Variants in POU6F2 observed in about 807,000 individuals in gnomAD.
The protein encoded by POU6F2 is POU class 6 homeobox 2.
A neutral mutation model predicts 71.3 loss-of-function variants in POU6F2; 31 were observed. That is an observed-to-expected ratio of 0.43 (90% CI 0.33 to 0.59). The LOEUF (loss-of-function observed/expected upper bound fraction) is 0.59. Among genes scored for constraint, POU6F2 ranks in the 20% least tolerant of loss-of-function variants. The pLI is 0.04. For synonymous variants in POU6F2, 347 were observed against 355.7 expected, an observed-to-expected ratio of 0.98 and a Z score of 0.27; for missense variants, 783 against 856.8, an observed-to-expected ratio of 0.91 and a Z score of 1.07.
chr7:38,989,101 C>G (rs1204188048), intron 1 of POU6F2, among the ~76,000 whole-genome samples: 1 of 152,018 alleles, frequency 6.6e-6, no homozygotes, highest in Non-Finnish European at 1.5e-5. Flanking sequence ...TCTTTGATAG[C>G]TTTCGTCAAA....
chr7:39,393,366 T>C (rs891626652), intron 5 of POU6F2, among the ~76,000 whole-genome samples: 1 of 152,148 alleles, frequency 6.6e-6, no homozygotes, highest in Non-Finnish European at 1.5e-5. Context: ...CTGGCACGGG[T>C]GTGGCAGATA....
intron 4 of POU6F2, among the ~76,000 whole-genome samples, chr7:39,242,552 G>C (rs116002108): frequency 6.6e-6 from 1 of 151,738 alleles, no homozygotes; most frequent in Non-Finnish European, 1.5e-5. Flanking sequence ...TTTTGGGGGG[G>C]GTCATGATAT....
At chr7:39,356,574 A>G (rs1246458443) in intron 5 of POU6F2, among the ~76,000 whole-genome samples, 1 of 152,192 alleles carries the variant, frequency 6.6e-6, no homozygotes, top group Non-Finnish European at 1.5e-5. Context: ...AACAGACACA[A>G]TGTCTCACAC....
chr7:39,402,103 T>C (rs780102050), intron 5 of POU6F2, among the ~76,000 whole-genome samples: 5 of 152,236 alleles, frequency 3.3e-5, no homozygotes, highest in Non-Finnish European at 7.3e-5. Context: ...ACTGAATTCT[T>C]TTCAGGATAC....
intron 1 of POU6F2, among the ~76,000 whole-genome samples, chr7:38,999,244 C>T (rs1297193666): frequency 1.3e-5 from 2 of 152,010 alleles, no homozygotes; most frequent in African/African-American, 4.8e-5. Flanking sequence ...TGTAAGGTCC[C>T]ACTGGATACT....
chr7:38,979,105 T>C (rs1788250597), intron 1 of POU6F2, among the ~76,000 whole-genome samples: 1 of 152,192 alleles, frequency 6.6e-6, no homozygotes. Context: ...TTTTTTGTAA[T>C]GTATTTTTGA....
At chr7:39,328,539 A>G (rs1330177360) in intron 4 of POU6F2, among the ~76,000 whole-genome samples, 2 of 152,230 alleles carry the variant, frequency 1.3e-5, no homozygotes, top group Non-Finnish European at 2.9e-5. Context: ...ACTCAATTTA[A>G]TTAGTGTCCT....
At chr7:39,251,418 T>C (rs1783912632) in intron 4 of POU6F2, among the ~76,000 whole-genome samples, 2 of 152,186 alleles carry the variant, frequency 1.3e-5, no homozygotes, top group African/African-American at 4.8e-5. Flanking sequence ...CTTGTGAGCC[T>C]AAGCTTGGAG....
chr7:39,359,160 T>A (rs1289868010), intron 5 of POU6F2, among the ~76,000 whole-genome samples: 1 of 152,128 alleles, frequency 6.6e-6, no homozygotes, highest in Non-Finnish European at 1.5e-5. Flanking sequence ...ATTTTTTTTC[T>A]GGGTTTAGTA....
In POU6F2 at chr7:39,052,905, C is replaced by A. The variant is rs73371345; in HGVS notation, c.106-32955C>A. On this transcript the variant is annotated intron_variant, in intron 1 of 9. Transcript: ENST00000518318. Reference sequence around the variant, plus strand: ...GCTCTTTCAAATCATGATTCTACTTCTAAGGTTTTCTGTTCTTTCTATTGG... The same window carrying A: ...GCTCTTTCAAATCATGATTCTACTTATAAGGTTTTCTGTTCTTTCTATTGG... Among the ~76,000 whole-genome samples the A allele has an allele frequency of 5.1e-3, 780 of 152,204 alleles. 9 individuals are homozygous for A. Among genetic ancestry groups the A allele is most frequent in the African/African-American group, 0.018 (751 of 41,534 alleles).
At chr7:39,295,782 C>T (rs946960811) in intron 4 of POU6F2, among the ~76,000 whole-genome samples, 29 of 152,210 alleles carry the variant, frequency 1.9e-4, no homozygotes, top group Admixed American at 1.9e-3. Flanking sequence ...CTAGAAATTT[C>T]TTCCAATATA....
intron 4 of POU6F2, among the ~76,000 whole-genome samples, chr7:39,244,305 C>T (rs62453437): frequency 0.13 from 19,587 of 152,146 alleles, 1,281 homozygotes; most frequent in African/African-American, 0.15. Flanking sequence ...ACCATGCCCA[C>T]GCTGCAAAAA....
chr7:39,162,955 T>G (rs938494103), intron 2 of POU6F2, among the ~76,000 whole-genome samples: 1 of 152,196 alleles, frequency 6.6e-6, no homozygotes, highest in African/African-American at 2.4e-5. Context: ...TTAGAACCTT[T>G]TAGCTGTGTG....
At chr7:39,041,715 T>C (rs1239318800) in intron 1 of POU6F2, among the ~76,000 whole-genome samples, 1 of 151,952 alleles carries the variant, frequency 6.6e-6, no homozygotes. Flanking sequence ...GTTTCTTTTG[T>C]CTTATAAGAG....
At chr7:39,177,481 A>C (rs1484962462) in intron 2 of POU6F2, among the ~76,000 whole-genome samples, 3 of 152,236 alleles carry the variant, frequency 2.0e-5, no homozygotes, top group African/African-American at 7.2e-5. Flanking sequence ...GAGACAATCC[A>C]AGGATTGGGA....
At chr7:38,985,569 G>T (rs1788443180) in intron 1 of POU6F2, among the ~76,000 whole-genome samples, 1 of 152,096 alleles carries the variant, frequency 6.6e-6, no homozygotes, top group East Asian at 1.9e-4. Context: ...ATGATTGTGG[G>T]ATGAAATGCC....
intron 2 of POU6F2, among the ~76,000 whole-genome samples, chr7:39,173,453 T>C (rs1268909911): frequency 6.6e-6 from 1 of 152,228 alleles, no homozygotes; most frequent in Non-Finnish European, 1.5e-5. Flanking sequence ...TTTGATGAGA[T>C]AATCCACGGA....
intron 5 of POU6F2, among the ~76,000 whole-genome samples, chr7:39,341,023 C>T (rs1785907240): frequency 6.6e-6 from 1 of 152,142 alleles, no homozygotes; most frequent in Non-Finnish European, 1.5e-5. Flanking sequence ...CATCTCATCC[C>T]CTTGCCATAG....
intron 1 of POU6F2, among the ~76,000 whole-genome samples, chr7:39,002,751 G>A (rs969085162): frequency 2.6e-5 from 4 of 152,350 alleles, no homozygotes; most frequent in Admixed American, 1.3e-4. Flanking sequence ...TTCTTCAAGT[G>A]ACTACAAGTT....
Sources: gnomAD v4.1 joint callset for allele counts (sites outside exome capture counted in the v4.1 genomes callset) on GRCh38, gnomAD v4.1.1 for gene constraint, MANE v1.5 for transcripts, NCBI Gene and HGNC (gene_info 2026-07-23, HGNC 2026-07-21) for gene names.